The following FRMD4B variants were observed in gnomAD, a reference collection of about 807,000 sequenced individuals.
FRMD4B encodes the protein FERM domain-containing protein 4B.
In FRMD4B, 74 loss-of-function variants were observed where a neutral mutation model predicts 141.5. That is an observed-to-expected ratio of 0.52 (90% confidence interval 0.43 to 0.63). FRMD4B has a LOEUF of 0.63. FRMD4B is among the 30% of genes least tolerant of loss of function. The pLI, the probability that FRMD4B is intolerant of heterozygous loss-of-function variation, is 0.00. For synonymous variants in FRMD4B, 506 were observed against 467.9 expected (o/e 1.08, Z -1.05); for missense variants, 1,366 against 1,253.4 (o/e 1.09, Z -1.36).
chr3:69,475,979 T>C (rs1418037358), intron 1 of FRMD4B, among the ~76,000 whole-genome samples: 1 of 151,890 alleles, frequency 6.6e-6, no homozygotes, highest in Non-Finnish European at 1.5e-5. Context: ...TTTTTTCATA[T>C]GTTTTTTTGG....
intron 2 of FRMD4B, among the ~76,000 whole-genome samples, chr3:69,392,510 T>C (rs1360775265): frequency 6.6e-6 from 1 of 151,848 alleles, no homozygotes; most frequent in Non-Finnish European, 1.5e-5. Flanking sequence ...GGATGCTTGA[T>C]GGTTGGGGGA....
intron 1 of FRMD4B, among the ~76,000 whole-genome samples, chr3:69,331,723 G>A (rs1254000576): frequency 1.3e-5 from 2 of 152,064 alleles, no homozygotes; most frequent in African/African-American, 4.8e-5. Context: ...TGTATAAAAT[G>A]CTTGGCAGAG....
intron 1 of FRMD4B, chr3:69,472,517 C>G: frequency 3.4e-6 from 1 of 290,480 alleles, no homozygotes; most frequent in Middle Eastern, 4.5e-4. Flanking sequence ...CCTTGACATT[C>G]AAAACTGATG....
chr3:69,350,952 C>T (rs912346901), intron 1 of FRMD4B, among the ~76,000 whole-genome samples: 10 of 151,826 alleles, frequency 6.6e-5, no homozygotes, highest in Non-Finnish European at 1.5e-4. Flanking sequence ...GCACATTGTG[C>T]ACATGTACTC....
At chr3:69,536,338 GC>G in intron 1 of FRMD4B, 1 of 664,814 alleles carries the variant, frequency 1.5e-6, no homozygotes, top group Non-Finnish European at 2.7e-6. Context: ...GCTGCCAGTG[GC>G]CCCCCTTGCT....
At chr3:69,310,489 C>T (rs757713196) in intron 3 of FRMD4B, 16 of 455,456 alleles carry the variant, frequency 3.5e-5, no homozygotes, top group African/African-American at 2.0e-4. Context: ...GATAATGTAT[C>T]GGGCTGCATA....
chr3:69,437,358 C>T (rs1211694751), intron 1 of FRMD4B, among the ~76,000 whole-genome samples: 3 of 151,574 alleles, frequency 2.0e-5, no homozygotes, highest in Non-Finnish European at 4.4e-5. Flanking sequence ...AGGCATGAGC[C>T]ACTGTGCCTG....
intron 5 of FRMD4B, among the ~76,000 whole-genome samples, chr3:69,277,900 G>A (rs2093625967): frequency 6.6e-6 from 1 of 150,984 alleles, no homozygotes; most frequent in African/African-American, 2.4e-5. Flanking sequence ...CTGTCTCCCA[G>A]GCTGGAGTAC....
At chr3:69,206,690 G>A (rs1482736937) in intron 11 of FRMD4B, among the ~76,000 whole-genome samples, 1 of 152,032 alleles carries the variant, frequency 6.6e-6, no homozygotes, top group Non-Finnish European at 1.5e-5. Context: ...TACCTAGTCT[G>A]GTTTTTAAAT....
chr3:69,514,248 A>G (rs1700709530), intron 1 of FRMD4B, among the ~76,000 whole-genome samples: 2 of 152,198 alleles, frequency 1.3e-5, no homozygotes, highest in Non-Finnish European at 1.5e-5. Flanking sequence ...CTGCATTTCT[A>G]TACACTTACA....
chr3:69,313,999 C>T (rs1263676312), intron 1 of FRMD4B, among the ~76,000 whole-genome samples: 3 of 146,534 alleles, frequency 2.0e-5, no homozygotes, highest in East Asian at 4.1e-4. Flanking sequence ...ATTAGCCGGG[C>T]GTGGTAGCGG....
chr3:69,475,279 G>C (rs986429193), intron 1 of FRMD4B, among the ~76,000 whole-genome samples: 1 of 151,536 alleles, frequency 6.6e-6, no homozygotes, highest in East Asian at 1.9e-4. Context: ...ATAGGTATAC[G>C]TGTGCCATGC....
At chr3:69,320,976 T>G (rs1331825099) in intron 1 of FRMD4B, 1 of 152,260 alleles carries the variant, frequency 6.6e-6, no homozygotes, top group East Asian at 1.9e-4. Flanking sequence ...AAAGACTTTG[T>G]CCATCTGGTC....
chr3:69,458,849 TAAAAAA>T (rs35229515), intron 1 of FRMD4B, among the ~76,000 whole-genome samples: 7 of 82,170 alleles, frequency 8.5e-5, no homozygotes, highest in East Asian at 3.7e-4. Context: ...ATGGGCTGCT[TAAAAAA>T]AAAAAAAAAA....
chr3:69,318,128 T>C (rs1454914947), intron 1 of FRMD4B, among the ~76,000 whole-genome samples: 2 of 152,236 alleles, frequency 1.3e-5, no homozygotes, highest in Non-Finnish European at 1.5e-5. Context: ...CATGCCATCA[T>C]GCCTGGCTAA....
At chr3:69,428,647 A>T in intron 2 of FRMD4B, among the ~76,000 whole-genome samples, 2 of 152,272 alleles carry the variant, frequency 1.3e-5, no homozygotes, top group South Asian at 4.1e-4. Context: ...AAAAACCAGG[A>T]AAGTTTTCCT....
chr3:69,313,684 T>C (rs1272704128), intron 1 of FRMD4B, among the ~76,000 whole-genome samples, 167 bp from the exon 2 acceptor site: 1 of 152,196 alleles, frequency 6.6e-6, no homozygotes, highest in Non-Finnish European at 1.5e-5. Context: ...TGGGAGTAAC[T>C]GGATTTAAAA....
chr3:69,287,505 G>A, intron 5 of FRMD4B: 2 of 464,138 alleles, frequency 4.3e-6, no homozygotes, highest in Non-Finnish European at 3.9e-6. Context: ...TTATTTGCTG[G>A]ATTTAAAGTA....
chr3:69,457,569 G>A (rs899935445), intron 1 of FRMD4B, among the ~76,000 whole-genome samples: 1 of 152,128 alleles, frequency 6.6e-6, no homozygotes, highest in East Asian at 1.9e-4. Flanking sequence ...ATGGTAACAT[G>A]GCCGAGGTCG....
Sources: gnomAD v4.1 joint callset for allele counts (sites outside exome capture counted in the v4.1 genomes callset) on GRCh38, gnomAD v4.1.1 for gene constraint, MANE v1.5 for transcripts, NCBI Gene and HGNC (gene_info 2026-07-23, HGNC 2026-07-21) for gene names.